The following LRFN2 variants were observed in gnomAD, a reference collection of about 807,000 sequenced individuals.
The protein encoded by LRFN2 is leucine rich repeat and fibronectin type III domain containing 2.
In LRFN2, 18 loss-of-function variants were observed where a neutral mutation model predicts 37.3. The ratio of observed to expected loss-of-function variants is 0.48; its 90% confidence interval spans 0.33 to 0.72. LRFN2 has a LOEUF of 0.72. LRFN2 is among the 30% of genes least tolerant of loss of function. The pLI is 0.02. For missense variants in LRFN2, 1,006 were observed against 1,060.7 expected (o/e 0.95, Z 0.72); for synonymous variants, 556 against 466.6 (o/e 1.19, Z -2.47).
chr6:40,580,858 T>C (rs1282468399), intron 1 of LRFN2, among the ~76,000 whole-genome samples: 1 of 152,196 alleles, frequency 6.6e-6, no homozygotes, highest in African/African-American at 2.4e-5. Context: ...CATGTATGAA[T>C]GTACAAGTGT....
rs896762400 is a variant in LRFN2, at chr6:40,486,840, T to C, written c.-18-53709A>G. ...GTGTAAGATAATGTATTTAAAGACA[T>C]ATCTCAAGTGCTGTATGACTTCCTT... On this transcript the variant is annotated intron_variant, in intron 1 of 2. Coordinates refer to ENST00000338305, the MANE Select transcript of LRFN2 (RefSeq NM_020737.3). 4.6e-5 allele frequency among the ~76,000 whole-genome samples: 7 copies of C among 152,166 alleles called. No individual in the cohort carries two copies. In the East Asian group the frequency reaches 1.3e-3, roughly 29 times the overall value.
intron 1 of LRFN2, among the ~76,000 whole-genome samples, chr6:40,441,744 T>A (rs911574023): frequency 6.6e-6 from 1 of 152,136 alleles, no homozygotes; most frequent in Non-Finnish European, 1.5e-5. Flanking sequence ...TGTGAGTACG[T>A]GGGGGCCCTC....
At position 40,398,805 on chromosome 6, in the gene LRFN2, T is replaced by C. The variant is rs566760964; in HGVS notation, c.1401-5893A>G. On this transcript the variant is annotated intron_variant, in intron 2 of 2. Coordinates refer to ENST00000338305, the MANE Select transcript of LRFN2 (RefSeq NM_020737.3). Reference sequence around the variant, plus strand: ...GCTGCCTCTGGATTGTTTTTCTTTTTCTTTCCTTTTCTGTTAATATTATTT... The same window carrying C: ...GCTGCCTCTGGATTGTTTTTCTTTTCCTTTCCTTTTCTGTTAATATTATTT... Among the ~76,000 whole-genome samples the C allele has an allele frequency of 1.2e-3, 190 of 152,050 alleles. 1 individual carries two copies. Among genetic ancestry groups the C allele is most frequent in the African/African-American group, 4.0e-3 (168 of 41,542 alleles).
At chr6:40,417,140 T>C (rs764694329) in intron 2 of LRFN2, among the ~76,000 whole-genome samples, 6 of 152,182 alleles carry the variant, frequency 3.9e-5, no homozygotes, top group Non-Finnish European at 8.8e-5. Context: ...CTCAGACCTT[T>C]TTCCTAGCAA....
intron 1 of LRFN2, among the ~76,000 whole-genome samples, chr6:40,547,300 T>A (rs1275698113): frequency 6.6e-6 from 1 of 152,190 alleles, no homozygotes; most frequent in Non-Finnish European, 1.5e-5. Flanking sequence ...AGACAGAGTT[T>A]CACCATGTTG....
rs574731215 is a variant in LRFN2, at chr6:40,430,199, C to T, written c.1400+1515G>A. ...CATCCTGAGATGTGACACTGCTATC[C>T]AGACCAGGCCAGCAGCTGCCAAGTA... On this transcript the variant is annotated intron_variant, in intron 2 of 2. Coordinates refer to ENST00000338305, the MANE Select transcript of LRFN2 (RefSeq NM_020737.3). Among the ~76,000 whole-genome samples, 104 of 152,314 alleles carry T rather than the reference C, an allele frequency of 6.8e-4. 1 individual carries two copies. The highest frequency in any genetic ancestry group is 3.4e-3 in the Middle Eastern group (1 of 294).
chr6:40,433,103 A>G lies in LRFN2; in HGVS notation c.11T>C (p.Leu4Pro). The G allele has an allele frequency of 6.6e-7, 1 of 1,524,068 alleles. No homozygotes were observed. The highest frequency in any genetic ancestry group is 8.8e-7 in the Non-Finnish European group (1 of 1,137,578). 94.4% of individuals were successfully genotyped at this position (1,524,068 alleles called of 1,614,324 possible). Residue 4 changes from leucine to proline, a missense_variant, in exon 2 of 3, where the codon CTG becomes CCG. Around this residue, in one of 4 missense-constraint regions of LRFN2, gnomAD observed 185 missense variants for 254.9 expected, o/e 0.73. Transcript: ENST00000338305. MET[L>P]LGGLLAFGMA... ...GCCAAACGCTAGCAGGCCACCAAGC[A>G]GGGTCTCCATGGTCTGGTCACTCAG...
At chr6:40,399,219 G>A (rs1463307161) in intron 2 of LRFN2, among the ~76,000 whole-genome samples, 1 of 151,602 alleles carries the variant, frequency 6.6e-6, no homozygotes, top group East Asian at 1.9e-4. Flanking sequence ...CACTGGTCAT[G>A]CCATCTCCTC....
chr6:40,526,371 C>T (rs550943823), intron 1 of LRFN2, among the ~76,000 whole-genome samples: 2 of 152,342 alleles, frequency 1.3e-5, no homozygotes, highest in South Asian at 4.1e-4. Context: ...CAGAACAAAC[C>T]TTAGCAAAGA....
chr6:40,439,620 G>A (rs1050893273), intron 1 of LRFN2, among the ~76,000 whole-genome samples: 2 of 152,124 alleles, frequency 1.3e-5, no homozygotes, highest in Non-Finnish European at 2.9e-5. Context: ...CAGCACATCC[G>A]CCTCCCTGCA....
At chr6:40,567,549 C>A (rs1561910560) in intron 1 of LRFN2, among the ~76,000 whole-genome samples, 1 of 152,238 alleles carries the variant, frequency 6.6e-6, no homozygotes, top group Non-Finnish European at 1.5e-5. Context: ...TCCCCATCTT[C>A]CTCCTCTCCA....
At chr6:40,444,301 C>T (rs545522234) in intron 1 of LRFN2, among the ~76,000 whole-genome samples, 8 of 152,240 alleles carry the variant, frequency 5.3e-5, no homozygotes, top group Middle Eastern at 3.4e-3. Context: ...AAGAAAGAGA[C>T]AGAGACAGAC....
chr6:40,533,906 G>A (rs903905309), intron 1 of LRFN2, among the ~76,000 whole-genome samples: 1 of 152,212 alleles, frequency 6.6e-6, no homozygotes, highest in Non-Finnish European at 1.5e-5. Context: ...CCACACTGGC[G>A]TGATGAAGGG....
In LRFN2 at chr6:40,569,576, C is replaced by T. The variant is rs114277239; in HGVS notation, c.-19+17365G>A. Among the ~76,000 whole-genome samples, 446 of 152,258 alleles carry T rather than the reference C, an allele frequency of 2.9e-3. 2 individuals are homozygous for T. Among genetic ancestry groups the T allele is most frequent in the African/African-American group, 9.7e-3 (403 of 41,540 alleles). On this transcript the variant is annotated intron_variant, in intron 1 of 2. Coordinates refer to ENST00000338305, the MANE Select transcript of LRFN2 (RefSeq NM_020737.3). The stretch of plus-strand genomic sequence containing the variant: ...GGGCAGGAGCGGCCAGGTGTAATGC[C>T]GCACTGCCCAGATTTCACTGTTCAG...
chr6:40,538,165 A>C (rs1285915415), intron 1 of LRFN2, among the ~76,000 whole-genome samples: 1 of 152,210 alleles, frequency 6.6e-6, no homozygotes, highest in Non-Finnish European at 1.5e-5. Flanking sequence ...TTAGGAGTTA[A>C]ATCTCATGAA....
At chr6:40,483,950 G>A (rs773966794) in intron 1 of LRFN2, among the ~76,000 whole-genome samples, 1 of 152,150 alleles carries the variant, frequency 6.6e-6, no homozygotes. Context: ...CTGGCTCAGA[G>A]AGAATAGCCG....
At chr6:40,466,365 G>C (rs1437318472) in intron 1 of LRFN2, among the ~76,000 whole-genome samples, 1 of 152,136 alleles carries the variant, frequency 6.6e-6, no homozygotes, top group South Asian at 2.1e-4. Flanking sequence ...GTTCCAGATG[G>C]GGAAATGAAG....
chr6:40,530,132 T>C (rs554197884), intron 1 of LRFN2, among the ~76,000 whole-genome samples: 43 of 152,296 alleles, frequency 2.8e-4, no homozygotes, highest in Admixed American at 2.4e-3. Flanking sequence ...CTCTTTGCAA[T>C]GCCTGCTGTC....
chr6:40,416,637 TTCCTC>T (rs1763099649), intron 2 of LRFN2, among the ~76,000 whole-genome samples: 1 of 152,178 alleles, frequency 6.6e-6, no homozygotes, highest in Non-Finnish European at 1.5e-5. Context: ...GACTCTGTCT[TTCCTC>T]TCCCTGACTC....
Sources: gnomAD v4.1 joint callset for allele counts (sites outside exome capture counted in the v4.1 genomes callset) on GRCh38, gnomAD v4.1.1 for gene constraint, gnomAD v4.1.1 regional missense constraint, MANE v1.5 for transcripts, NCBI Gene and HGNC (gene_info 2026-07-23, HGNC 2026-07-21) for gene names.